RPH3A: variants seen among roughly 807,000 people sequenced by gnomAD.
The protein encoded by RPH3A is rabphilin 3A.
In RPH3A, 48 loss-of-function variants were observed where a neutral mutation model predicts 102.2. The observed-to-expected ratio is 0.47, with a 90% confidence interval of 0.37 to 0.60. The LOEUF is 0.60. RPH3A is among the 20% of genes least tolerant of loss of function. The pLI, the probability that RPH3A is intolerant of heterozygous loss-of-function variation, is 0.00. For missense variants in RPH3A, 781 were observed against 910.1 expected (o/e 0.86, Z 1.83); for synonymous variants, 310 against 324.3 (o/e 0.96, Z 0.47).
chr12:112,599,585 A>C (rs894877863), intron 1 of RPH3A, among the ~76,000 whole-genome samples: 4 of 152,236 alleles, frequency 2.6e-5, no homozygotes, highest in African/African-American at 9.6e-5. Flanking sequence ...AAGGCCCCGA[A>C]TAAATGGGTT....
chr12:112,828,258 C>T (rs2041912829), intron 2 of RPH3A, 43 bp from the exon 3 acceptor site: 1 of 1,369,580 alleles, frequency 7.3e-7, no homozygotes, highest in Non-Finnish European at 1.0e-6. Context: ...TAAGGAGTGG[C>T]TGAATGATGG....
intron 2 of RPH3A, among the ~76,000 whole-genome samples, chr12:112,820,267 G>A (rs756400482): frequency 3.9e-5 from 6 of 152,320 alleles, no homozygotes; most frequent in Non-Finnish European, 7.3e-5. Flanking sequence ...ACTGATGGAC[G>A]ATGATGGAGA....
chr12:112,665,180 A>T (rs1485231612), intron 1 of RPH3A, among the ~76,000 whole-genome samples: 1 of 152,094 alleles, frequency 6.6e-6, no homozygotes, highest in Non-Finnish European at 1.5e-5. Flanking sequence ...AACGATCTGT[A>T]CCCCAGTCCA....
intron 6 of RPH3A, 67 bp from the exon 7 acceptor site, chr12:112,866,690 G>A (rs2136221602): frequency 7.7e-7 from 1 of 1,297,982 alleles, no homozygotes; most frequent in Non-Finnish European, 1.1e-6. Flanking sequence ...AGAAAGTGGG[G>A]GGCTACGTTG....
intron 1 of RPH3A, among the ~76,000 whole-genome samples, chr12:112,758,364 C>T (rs1008280740): frequency 6.6e-6 from 1 of 152,186 alleles, no homozygotes; most frequent in Non-Finnish European, 1.5e-5. Context: ...TTTGCCTGGG[C>T]TCTATTTTCT....
chr12:112,852,053 A>T (rs888334380), intron 5 of RPH3A, among the ~76,000 whole-genome samples: 6 of 152,204 alleles, frequency 3.9e-5, no homozygotes, highest in Admixed American at 3.9e-4. Context: ...TTTCTGCTTC[A>T]GGGGACGTGG....
intron 1 of RPH3A, among the ~76,000 whole-genome samples, chr12:112,785,013 G>A (rs374838292): frequency 6.6e-6 from 1 of 151,944 alleles, no homozygotes; most frequent in Non-Finnish European, 1.5e-5. Context: ...ACCTGAGGTC[G>A]GGAGTTCGAG....
intron 1 of RPH3A, among the ~76,000 whole-genome samples, chr12:112,754,661 G>C (rs1397356592): frequency 6.6e-6 from 1 of 152,164 alleles, no homozygotes; most frequent in Non-Finnish European, 1.5e-5. Flanking sequence ...CAATAACAAA[G>C]AGAGGGAAGA....
At chr12:112,647,439 T>C (rs2039939746) in intron 1 of RPH3A, among the ~76,000 whole-genome samples, 1 of 152,206 alleles carries the variant, frequency 6.6e-6, no homozygotes, top group African/African-American at 2.4e-5. Context: ...TACTGCGTGA[T>C]AGGTGTGTTA....
rs531763409 is a variant in RPH3A, at chr12:112,881,702, C to G, written c.1252-70C>G. On this transcript the variant is annotated intron_variant, in intron 14 of 21. Transcript: ENST00000389385. ...GGCAGGACAGATGCCAGGGGCTATG[C>G]CCATTGCCGATGACAGCTGAGCACT... is the stretch of plus-strand genomic sequence containing the variant. 6 of 1,099,954 alleles carry G rather than the reference C, an allele frequency of 5.5e-6. No homozygotes were observed. The East Asian group carries it at 1.5e-4, about 27-fold the overall frequency. The allele number at this position is 1,099,954 out of a possible 1,614,324, so 68.1% of individuals were successfully genotyped here.
intron 5 of RPH3A, among the ~76,000 whole-genome samples, chr12:112,862,901 T>C (rs1383441100): frequency 6.6e-6 from 1 of 152,146 alleles, no homozygotes; most frequent in Non-Finnish European, 1.5e-5. Flanking sequence ...CTCTGGGCGC[T>C]GTGACGCCCA....
intron 5 of RPH3A, among the ~76,000 whole-genome samples, chr12:112,863,307 G>T (rs2042552748): frequency 6.6e-6 from 1 of 152,160 alleles, no homozygotes; most frequent in South Asian, 2.1e-4. Context: ...TGAAGCATGG[G>T]TTCTAGGGGG....
intron 13 of RPH3A, among the ~76,000 whole-genome samples, chr12:112,877,269 A>G (rs150836328): frequency 1.9e-3 from 295 of 152,292 alleles, no homozygotes; most frequent in Middle Eastern, 0.014. Context: ...AAACTCTTTA[A>G]TGTATATCTT....
chr12:112,849,905 G>T (rs1371854377), intron 5 of RPH3A, among the ~76,000 whole-genome samples: 2 of 152,222 alleles, frequency 1.3e-5, no homozygotes, highest in African/African-American at 4.8e-5. Flanking sequence ...GGCGTGCCAA[G>T]CCCAGTTGTA....
intron 2 of RPH3A, among the ~76,000 whole-genome samples, chr12:112,802,598 C>A (rs1361082891): frequency 6.6e-6 from 1 of 151,870 alleles, no homozygotes; most frequent in Non-Finnish European, 1.5e-5. Flanking sequence ...ATGGTGCGAG[C>A]ATGTGTGTGT....
At chr12:112,640,769 T>C (rs1263481460) in intron 1 of RPH3A, among the ~76,000 whole-genome samples, 1 of 152,158 alleles carries the variant, frequency 6.6e-6, no homozygotes, top group Non-Finnish European at 1.5e-5. Flanking sequence ...TGGAGGAGTG[T>C]GAAGAATGAT....
At chr12:112,630,068 T>C (rs981936340) in intron 1 of RPH3A, among the ~76,000 whole-genome samples, 39 of 152,006 alleles carry the variant, frequency 2.6e-4, no homozygotes, top group African/African-American at 8.9e-4. Context: ...GTTTTTGCCT[T>C]CATAGGGTAA....
At chr12:112,765,875 T>G (rs2040885239) in intron 1 of RPH3A, among the ~76,000 whole-genome samples, 1 of 152,204 alleles carries the variant, frequency 6.6e-6, no homozygotes, top group African/African-American at 2.4e-5. Flanking sequence ...AAATAGAGGT[T>G]GTTGCAGGAA....
chr12:112,797,605 A>G (rs755064074), intron 2 of RPH3A, among the ~76,000 whole-genome samples: 5 of 151,952 alleles, frequency 3.3e-5, no homozygotes, highest in South Asian at 2.1e-4. Flanking sequence ...TCTCAGGTAG[A>G]TTTGTGGCAA....
Sources: allele counts gnomAD v4.1 joint callset (sites outside exome capture counted in the v4.1 genomes callset), GRCh38; gene constraint gnomAD v4.1.1; transcripts MANE v1.5; gene names NCBI Gene and HGNC (gene_info 2026-07-23, HGNC 2026-07-21).